The following LRP12 variants were observed in gnomAD, a reference collection of about 807,000 sequenced individuals.
LRP12 encodes LDL receptor related protein 12.
A neutral mutation model predicts 66.0 loss-of-function variants in LRP12; 14 were observed. The ratio of observed to expected loss-of-function variants is 0.21; its 90% CI spans 0.14 to 0.33. The LOEUF (loss-of-function observed/expected upper bound fraction) is 0.33. Among genes scored for constraint, LRP12 ranks in the 10% least tolerant of loss-of-function variants. The probability of loss-of-function intolerance (pLI) is 1.00; values close to 1 mark genes in which losing one functional copy is unlikely to be tolerated. For missense variants in LRP12, 889 were observed against 1,053.4 expected (o/e 0.84, Z 2.16); for synonymous variants, 357 against 359.1 (o/e 0.99, Z 0.07).
intron 1 of LRP12, among the ~76,000 whole-genome samples, chr8:104,567,812 T>A (rs548894418): frequency 1.4e-4 from 21 of 152,166 alleles, no homozygotes; most frequent in Non-Finnish European, 2.4e-4. Context: ...TGTTTATCAG[T>A]CAGAAGGATT....
intron 2 of LRP12, among the ~76,000 whole-genome samples, chr8:104,522,518 G>A (rs986490497): frequency 6.6e-6 from 1 of 152,060 alleles, no homozygotes; most frequent in Non-Finnish European, 1.5e-5. Flanking sequence ...AGAAATGTCA[G>A]ATTTGCCTGA....
At chr8:104,521,487 C>T (rs1443596857) in intron 2 of LRP12, among the ~76,000 whole-genome samples, 1 of 150,938 alleles carries the variant, frequency 6.6e-6, no homozygotes, top group African/African-American at 2.4e-5. Flanking sequence ...ATAATAATAC[C>T]ACCATTAGTT....
chr8:104,588,700 C>T, intron 1 of LRP12, 119 bp downstream of exon 1: 2 of 759,670 alleles, frequency 2.6e-6, no homozygotes, highest in Non-Finnish European at 2.1e-6. Flanking sequence ...CGGTCTTTGT[C>T]CCGCCGGTAG....
chr8:104,581,390 T>C (rs545336482), intron 1 of LRP12, among the ~76,000 whole-genome samples: 122 of 151,414 alleles, frequency 8.1e-4, no homozygotes, highest in African/African-American at 2.5e-3. Flanking sequence ...AACATATCAC[T>C]AGGTGATGAA....
chr8:104,559,238 A>T (rs1811863660), intron 1 of LRP12, among the ~76,000 whole-genome samples: 2 of 152,196 alleles, frequency 1.3e-5, no homozygotes, highest in South Asian at 4.1e-4. Context: ...GATAAAGAAA[A>T]TGTGGTATAC....
At chr8:104,561,983 G>C (rs1314615574) in intron 1 of LRP12, among the ~76,000 whole-genome samples, 6 of 152,146 alleles carry the variant, frequency 3.9e-5, no homozygotes, top group African/African-American at 1.4e-4. Flanking sequence ...TGTGCTCACT[G>C]CTATTGTGCA....
intron 1 of LRP12, among the ~76,000 whole-genome samples, chr8:104,553,079 T>C (rs1811752146): frequency 6.6e-6 from 1 of 152,294 alleles, no homozygotes; most frequent in Admixed American, 6.5e-5. Context: ...GTGGGCACTC[T>C]AGGTCCACAG....
intron 2 of LRP12, among the ~76,000 whole-genome samples, chr8:104,518,161 G>T (rs1811097700): frequency 6.6e-6 from 1 of 152,078 alleles, no homozygotes; most frequent in Admixed American, 6.6e-5. Flanking sequence ...CCAAGTCCAA[G>T]AACTGTAAGT....
At chr8:104,507,531 G>T (rs1048090841) in intron 3 of LRP12, 1 of 152,158 alleles carries the variant, frequency 6.6e-6, no homozygotes, top group Non-Finnish European at 1.5e-5. Flanking sequence ...AGGTTAAAAG[G>T]TGAAGGTCTC....
chr8:104,588,977 C>CGCCGCCGCT lies in LRP12; in HGVS notation c.-81_-80insAGCGGCGGC. On this transcript the variant is annotated 5_prime_UTR_variant, in exon 1 of 7. Coordinates refer to ENST00000276654, the MANE Select transcript of LRP12 (RefSeq NM_013437.5). Reference sequence around the variant, plus strand: ...TGGAGGTAGACGACGCCGACGCCGCCGCCGCCGCCGCCGCCGCCGCCGAGC... The same window carrying CGCCGCCGCT: ...TGGAGGTAGACGACGCCGACGCCGCCGCCGCCGCTGCCGCCGCCGCCGCCGCCGCCGAGC... The CGCCGCCGCT allele has an allele frequency of 1.4e-6, 1 of 695,524 alleles. No individual in the cohort carries two copies. The highest frequency in any genetic ancestry group is 2.2e-5 in the South Asian group (1 of 45,780). 43.1% of individuals were successfully genotyped at this position (695,524 alleles called of 1,614,324 possible).
At position 104,490,869 on chromosome 8, in the gene LRP12, A is replaced by G. The variant is rs142053596; in HGVS notation, c.2384T>C (p.Leu795Pro). 2.0e-4 allele frequency: 323 copies of G among 1,614,036 alleles called. 1 individual carries two copies. Among genetic ancestry groups the G allele is most frequent in the Non-Finnish European group, 1.8e-4 (207 of 1,180,032 alleles). The change falls in exon 7 of 7, where the codon CTT becomes CCT. Residue 795 changes from leucine to proline, a missense_variant. Transcript: ENST00000276654. The part of the protein sequence containing the change: ...DFDVNDCSRP[L>P]LDLASDQGQG... ...TCCTTGATCTGAGGCAAGATCAAGAAGAGGTCTGGAGCAGTCATTCACATC... is the reference window on the plus strand; with the variant it reads ...TCCTTGATCTGAGGCAAGATCAAGAGGAGGTCTGGAGCAGTCATTCACATC...
intron 1 of LRP12, among the ~76,000 whole-genome samples, chr8:104,559,439 C>T (rs945182139): frequency 6.7e-6 from 1 of 149,420 alleles, no homozygotes; most frequent in Non-Finnish European, 1.5e-5. Flanking sequence ...ATACAATGGA[C>T]TTTGGGGACT....
chr8:104,545,354 T>C (rs1289034404), intron 1 of LRP12, among the ~76,000 whole-genome samples: 1 of 152,196 alleles, frequency 6.6e-6, no homozygotes, highest in Non-Finnish European at 1.5e-5. Context: ...ATAAACTTAG[T>C]TGATAAAGCA....
chr8:104,499,561 G>A, intron 3 of LRP12, 42 bp from the exon 4 acceptor site: 1 of 1,429,326 alleles, frequency 7.0e-7, no homozygotes, highest in South Asian at 1.3e-5. Flanking sequence ...AGTCAATTTT[G>A]GAAAAAAAAA....
In LRP12 at chr8:104,491,388, G is replaced by A. The variant is rs931450580; in HGVS notation, c.1865C>T (p.Ser622Leu). 8.1e-6 allele frequency: 13 copies of A among 1,614,072 alleles called. No homozygotes were observed. Among genetic ancestry groups the A allele is most frequent in the Admixed American group, 3.3e-5 (2 of 60,006 alleles). ...AGGGACAACCTCATCTCCATCTGCTGAGACCAAAGCCAATGACCCAGAATG... is the reference window on the plus strand; with the variant it reads ...AGGGACAACCTCATCTCCATCTGCTAAGACCAAAGCCAATGACCCAGAATG... Reference protein sequence around the residue: ...SRHSGSLALVSADGDEVVPSQ... With the variant: ...SRHSGSLALVLADGDEVVPSQ... Residue 622 changes from serine (S) to leucine (L), a missense_variant, in exon 7 of 7, where the codon TCA becomes TTA. Physicochemically the swap from Ser to Leu is moderately radical, Grantham distance 145. Coordinates refer to ENST00000276654, the MANE Select transcript of LRP12 (RefSeq NM_013437.5).
At chr8:104,548,252 T>C (rs1349968790) in intron 1 of LRP12, among the ~76,000 whole-genome samples, 1 of 93,304 alleles carries the variant, frequency 1.1e-5, no homozygotes, top group Non-Finnish European at 1.7e-5. Context: ...ACGATATATA[T>C]TATATTAATA....
At chr8:104,560,190 G>A (rs759950265) in intron 1 of LRP12, among the ~76,000 whole-genome samples, 2 of 152,002 alleles carry the variant, frequency 1.3e-5, no homozygotes, top group African/African-American at 4.8e-5. Context: ...AATTCCAGGA[G>A]TAACTGATAT....
intron 6 of LRP12, among the ~76,000 whole-genome samples, chr8:104,492,506 G>C (rs1810651740): frequency 6.6e-6 from 1 of 152,134 alleles, no homozygotes. Flanking sequence ...ACAATCTTAA[G>C]TTGATATACT....
At chr8:104,532,354 G>C (rs946995065) in intron 1 of LRP12, among the ~76,000 whole-genome samples, 5 of 150,512 alleles carry the variant, frequency 3.3e-5, no homozygotes, top group African/African-American at 1.2e-4. Context: ...TATCTGTCAG[G>C]GCCACATATG....
Sources: allele counts gnomAD v4.1 joint callset (sites outside exome capture counted in the v4.1 genomes callset), GRCh38; gene constraint gnomAD v4.1.1; transcripts MANE v1.5; gene names NCBI Gene and HGNC (gene_info 2026-07-23, HGNC 2026-07-21).